CEP63: variants seen among roughly 807,000 people sequenced by gnomAD.
CEP63 encodes the protein centrosomal protein 63, also known as centrosomal protein of 63 kDa.
In CEP63, 84 loss-of-function variants were observed where a neutral mutation model predicts 89.1. The ratio of observed to expected loss-of-function variants is 0.94; its 90% CI spans 0.79 to 1.13. The LOEUF is 1.13. CEP63 is among the 50% of genes most tolerant of loss of function. The pLI, the probability that CEP63 is intolerant of heterozygous loss-of-function variation, is 0.00. For synonymous variants in CEP63, 267 were observed against 272.5 expected (o/e 0.98, Z 0.20); for missense variants, 838 against 813.3 (o/e 1.03, Z -0.37).
the CEP63 span, among the ~76,000 whole-genome samples, chr3:134,769,156 A>C: frequency 6.6e-6 from 1 of 152,160 alleles, no homozygotes; most frequent in African/African-American, 2.4e-5. Context: ...CACATTCTTA[A>C]TTGATTGTAT....
intron 3 of CEP63, among the ~76,000 whole-genome samples, chr3:134,527,990 T>G (rs1247286228): frequency 6.6e-6 from 1 of 152,242 alleles, no homozygotes; most frequent in Non-Finnish European, 1.5e-5. Context: ...CCCTCTGGGC[T>G]CCATATCAGC....
chr3:134,531,938 G>A lies in CEP63; in HGVS notation c.316G>A (p.Glu106Lys). The part of the protein sequence containing the change: ...YKQELKKLHE[E>K]LCILKRSYEK... ...GCAGGAGTTGAAGAAACTACATGAA[G>A]AAGTGAGATTTTAGTTTTGTTAAAT... Residue 106 changes from glutamate to lysine, a missense_variant and splice_region_variant, in exon 4 of 15, where the codon GAA becomes AAA. Coordinates refer to ENST00000675561, the MANE Select transcript of CEP63 (RefSeq NM_001353108.3). 1 of 1,605,364 alleles carries A rather than the reference G, an allele frequency of 6.2e-7. No individual in the cohort carries two copies. Among genetic ancestry groups the A allele is most frequent in the Non-Finnish European group, 8.5e-7 (1 of 1,172,302 alleles).
chr3:134,689,979 AT>A, the CEP63 span, among the ~76,000 whole-genome samples: 1 of 152,178 alleles, frequency 6.6e-6, no homozygotes, highest in Non-Finnish European at 1.5e-5. Flanking sequence ...GGCAGAAATT[AT>A]TTTTCATTGC....
intron 10 of CEP63, among the ~76,000 whole-genome samples, chr3:134,584,974 T>TTTTTTTTTTTTTTTTTTTTTG (rs1958451757): frequency 2.0e-5 from 3 of 149,468 alleles, no homozygotes; most frequent in Non-Finnish European, 3.0e-5. Context: ...TTTTTTTTTT[T>TTTTTTTTTTTTTTTTTTTTTG]GCATGGAGGT....
intron 2 of CEP63, among the ~76,000 whole-genome samples, chr3:134,495,774 C>A (rs1939644726): frequency 6.6e-6 from 1 of 152,228 alleles, no homozygotes; most frequent in Non-Finnish European, 1.5e-5. Context: ...GTTCTACTCT[C>A]TACCTCCATG....
chr3:134,546,326 T>C, intron 8 of CEP63, 38 bp downstream of exon 8: 1 of 1,564,106 alleles, frequency 6.4e-7, no homozygotes, highest in Non-Finnish European at 8.8e-7. Flanking sequence ...CTTAGCCACT[T>C]AATGACTAGG....
chr3:134,687,922 G>C, the CEP63 span, among the ~76,000 whole-genome samples: 12 of 152,198 alleles, frequency 7.9e-5, no homozygotes, highest in Non-Finnish European at 1.3e-4. Flanking sequence ...ATCAAGTGTT[G>C]AAAAGGCTGT....
chr3:134,633,476 T>C, the CEP63 span, among the ~76,000 whole-genome samples: 2 of 152,126 alleles, frequency 1.3e-5, no homozygotes, highest in Admixed American at 6.5e-5. Context: ...TAATTCACCA[T>C]ATTAACAGGC....
the CEP63 span, among the ~76,000 whole-genome samples, chr3:134,676,915 C>T: frequency 3.3e-5 from 5 of 152,182 alleles, no homozygotes; most frequent in South Asian, 2.1e-4. Context: ...CGTATTGGCT[C>T]CTCGCTCATG....
the CEP63 span, among the ~76,000 whole-genome samples, chr3:134,613,379 G>A: frequency 1.5e-4 from 23 of 152,188 alleles, no homozygotes; most frequent in African/African-American, 5.5e-4. Flanking sequence ...AAGTCAGGGA[G>A]CAGCAGCGAG....
At chr3:134,756,573 CAA>C in the CEP63 span, among the ~76,000 whole-genome samples, 1 of 152,130 alleles carries the variant, frequency 6.6e-6, no homozygotes, top group Non-Finnish European at 1.5e-5. Context: ...AGGCTGGTCT[CAA>C]ACTCCTGGGC....
downstream of CEP63, among the ~76,000 whole-genome samples, chr3:134,566,967 A>G (rs926573041): frequency 3.9e-5 from 6 of 152,364 alleles, no homozygotes; most frequent in Middle Eastern, 3.4e-3. Flanking sequence ...TTGTACACAA[A>G]TGATCTTAGC....
the CEP63 span, among the ~76,000 whole-genome samples, chr3:134,724,727 A>G: frequency 1.3e-5 from 2 of 152,366 alleles, no homozygotes; most frequent in East Asian, 1.9e-4. Context: ...TATTTGTACT[A>G]TAAGTCCTTT....
chr3:134,533,621 G>A (rs1265951295), intron 5 of CEP63, among the ~76,000 whole-genome samples: 4 of 152,148 alleles, frequency 2.6e-5, no homozygotes, highest in East Asian at 1.9e-4. Context: ...CATTCTCTTC[G>A]TCTGTCCTTG....
the CEP63 span, among the ~76,000 whole-genome samples, chr3:134,746,059 TCCTC>T: frequency 1.4e-5 from 2 of 147,216 alleles, no homozygotes; most frequent in East Asian, 2.0e-4. Context: ...ATGCTATCCC[TCCTC>T]CACCACCCCC....
At chr3:134,631,944 A>G in the CEP63 span, among the ~76,000 whole-genome samples, 1 of 152,116 alleles carries the variant, frequency 6.6e-6, no homozygotes, top group African/African-American at 2.4e-5. Flanking sequence ...CAAGGATCCA[A>G]CTTTAACTAC....
At chr3:134,621,726 G>T in the CEP63 span, among the ~76,000 whole-genome samples, 1 of 152,220 alleles carries the variant, frequency 6.6e-6, no homozygotes, top group Non-Finnish European at 1.5e-5. Flanking sequence ...GGGCATTCGT[G>T]AAAATAAAAA....
chr3:134,493,373 G>A (rs992441835), intron 1 of CEP63, among the ~76,000 whole-genome samples: 12 of 151,554 alleles, frequency 7.9e-5, no homozygotes, highest in Non-Finnish European at 4.4e-5. Flanking sequence ...GGTGTGGACC[G>A]TGTACTGCCT....
the CEP63 span, among the ~76,000 whole-genome samples, chr3:134,726,485 C>CACAA: frequency 1.2e-4 from 18 of 149,400 alleles, no homozygotes; most frequent in Admixed American, 3.3e-4. Context: ...CACACACACA[C>CACAA]ACACACACAC....
Sources: allele counts gnomAD v4.1 joint callset (sites outside exome capture counted in the v4.1 genomes callset), GRCh38; gene constraint gnomAD v4.1.1; transcripts MANE v1.5; gene names NCBI Gene and HGNC (gene_info 2026-07-23, HGNC 2026-07-21).